The following BABAM2 variants were observed in gnomAD, a reference collection of about 807,000 sequenced individuals.
BABAM2 encodes the protein BRISC and BRCA1-A complex member 2.
BABAM2 carries 31 observed loss-of-function variants against 54.7 expected under a neutral mutation model. The ratio of observed to expected loss-of-function variants is 0.57; its 90% CI spans 0.43 to 0.77. The LOEUF (loss-of-function observed/expected upper bound fraction) is 0.77. Among genes scored for constraint, BABAM2 ranks in the 30% least tolerant of loss-of-function variants. The probability of loss-of-function intolerance (pLI) is 0.00; values close to 1 mark genes in which losing one functional copy is unlikely to be tolerated. For missense variants in BABAM2, 364 were observed against 455.8 expected, an observed-to-expected ratio of 0.80 and a Z score of 1.83; for synonymous variants, 167 against 162.9, an observed-to-expected ratio of 1.03 and a Z score of -0.19.
At chr2:27,911,572 A>G (rs1242374081) in intron 2 of BABAM2, among the ~76,000 whole-genome samples, 2 of 152,148 alleles carry the variant, frequency 1.3e-5, no homozygotes, top group Non-Finnish European at 1.5e-5. Context: ...GCTCCTAAAT[A>G]AAATGAGATA....
intron 10 of BABAM2, among the ~76,000 whole-genome samples, chr2:28,246,449 T>C (rs1459218657): frequency 6.6e-6 from 1 of 152,194 alleles, no homozygotes; most frequent in African/African-American, 2.4e-5. Flanking sequence ...TTCATATCTC[T>C]TGTGACTTGG....
chr2:28,083,475 C>A (rs1455035705), intron 6 of BABAM2, among the ~76,000 whole-genome samples: 1 of 152,102 alleles, frequency 6.6e-6, no homozygotes, highest in Non-Finnish European at 1.5e-5. Context: ...TTATTTTGGG[C>A]CCTTTGTATG....
chr2:28,055,292 C>A (rs912816243), intron 6 of BABAM2, among the ~76,000 whole-genome samples: 6 of 152,016 alleles, frequency 3.9e-5, no homozygotes, highest in Admixed American at 2.6e-4. Context: ...GGGTGAGGAT[C>A]AAAAAACTAC....
At chr2:27,926,364 A>G (rs1255847634) in intron 2 of BABAM2, among the ~76,000 whole-genome samples, 1 of 152,016 alleles carries the variant, frequency 6.6e-6, no homozygotes, top group Non-Finnish European at 1.5e-5. Context: ...TTGCCCAGAT[A>G]TATCAAGATT....
rs115263740 is a variant in BABAM2, at chr2:28,312,993, G to A, written c.1088+14502G>A. Among the ~76,000 whole-genome samples the A allele has an allele frequency of 5.4e-3, 815 of 152,196 alleles. 4 individuals are homozygous for A. The highest frequency in any genetic ancestry group is 0.018 in the African/African-American group (756 of 41,546). Reference sequence around the variant, plus strand: ...GCCCAAGCCACCTCTGACCTCCTACGTTTCCCCTCTTTCCTGCTCCCTTGC... The same window carrying A: ...GCCCAAGCCACCTCTGACCTCCTACATTTCCCCTCTTTCCTGCTCCCTTGC... On this transcript the variant is annotated intron_variant, in intron 11 of 11. Transcript: ENST00000379624.
intron 6 of BABAM2, among the ~76,000 whole-genome samples, chr2:28,109,184 C>T (rs1573595188): frequency 2.0e-5 from 2 of 101,882 alleles, no homozygotes; most frequent in Admixed American, 1.1e-4. Context: ...GACACATACT[C>T]TTTTTTTTTT....
intron 10 of BABAM2, among the ~76,000 whole-genome samples, chr2:28,246,055 G>A (rs543214554): frequency 6.6e-6 from 1 of 152,316 alleles, no homozygotes; most frequent in African/African-American, 2.4e-5. Flanking sequence ...GCAGGCCACA[G>A]TTTTAAGGAG....
rs553770860 is a variant in BABAM2 at position 28,310,705 on chromosome 2, G to A, written c.1088+12214G>A. 6.6e-5 allele frequency among the ~76,000 whole-genome samples: 10 copies of A among 151,760 alleles called. No homozygotes were observed. The East Asian group carries it at 2.0e-3, about 30-fold the overall frequency. ...TCAAGACCAACCTGGGAAACATGGT[G>A]AAACCCTGTCTCTACTAAAAATACA... is the stretch of plus-strand genomic sequence containing the variant. On this transcript the variant is annotated intron_variant, in intron 11 of 11. Coordinates refer to ENST00000379624, the MANE Select transcript of BABAM2 (RefSeq NM_199191.3).
At chr2:27,988,364 G>A (rs1361046043) in intron 4 of BABAM2, among the ~76,000 whole-genome samples, 1 of 152,086 alleles carries the variant, frequency 6.6e-6, no homozygotes, top group African/African-American at 2.4e-5. Flanking sequence ...GAGACATGTT[G>A]AAAATATTTT....
chr2:27,996,699 A>G (rs901954006), intron 4 of BABAM2, among the ~76,000 whole-genome samples: 4 of 152,182 alleles, frequency 2.6e-5, no homozygotes, highest in African/African-American at 9.7e-5. Flanking sequence ...CCTCAGCAGC[A>G]GTTTTGTGAC....
intron 11 of BABAM2, among the ~76,000 whole-genome samples, chr2:28,320,455 G>T (rs577317380): frequency 6.6e-6 from 1 of 152,254 alleles, no homozygotes; most frequent in Admixed American, 6.5e-5. Flanking sequence ...AGGGCAGTGG[G>T]AGCCCAGTGA....
intron 10 of BABAM2, among the ~76,000 whole-genome samples, chr2:28,267,080 T>C (rs1685043953): frequency 6.6e-6 from 1 of 152,088 alleles, no homozygotes; most frequent in Non-Finnish European, 1.5e-5. Context: ...TGCTTGAACC[T>C]GGGAGGCGGA....
intron 11 of BABAM2, among the ~76,000 whole-genome samples, chr2:28,320,759 G>A (rs978133149): frequency 6.6e-6 from 1 of 152,240 alleles, no homozygotes; most frequent in Non-Finnish European, 1.5e-5. Context: ...GGCTGGCAGT[G>A]TGCTGTCATC....
intron 10 of BABAM2, among the ~76,000 whole-genome samples, chr2:28,248,207 C>CTTTTTCTTTCTTTT (rs1553349503): frequency 7.4e-5 from 4 of 54,308 alleles, no homozygotes; most frequent in African/African-American, 2.7e-4. Context: ...TTTTCTTTTT[C>CTTTTTCTTTCTTTT]TTTTTTTTTT....
intron 5 of BABAM2, among the ~76,000 whole-genome samples, chr2:28,043,650 C>T (rs1178851195): frequency 6.6e-6 from 1 of 152,146 alleles, no homozygotes; most frequent in Non-Finnish European, 1.5e-5. Context: ...TTAGGTTTAG[C>T]TGTGTCTTGA....
intron 10 of BABAM2, among the ~76,000 whole-genome samples, chr2:28,267,228 G>A (rs977643345): frequency 6.6e-6 from 1 of 152,076 alleles, no homozygotes; most frequent in Non-Finnish European, 1.5e-5. Flanking sequence ...TCTCCCAGTG[G>A]TATCATCTTG....
chr2:28,182,209 C>T (rs1351982171), intron 7 of BABAM2, among the ~76,000 whole-genome samples: 1 of 152,022 alleles, frequency 6.6e-6, no homozygotes, highest in Non-Finnish European at 1.5e-5. Context: ...GGAGATTGTC[C>T]CCAGGAATCT....
chr2:27,908,078 T>C (rs555246419), intron 2 of BABAM2, among the ~76,000 whole-genome samples: 2 of 152,310 alleles, frequency 1.3e-5, no homozygotes, highest in South Asian at 4.1e-4. Flanking sequence ...TTTAATTTTT[T>C]GAGGAACCGC....
At chr2:28,205,686 A>G (rs773668267) in intron 7 of BABAM2, among the ~76,000 whole-genome samples, 8 of 152,162 alleles carry the variant, frequency 5.3e-5, no homozygotes, top group Non-Finnish European at 1.2e-4. Flanking sequence ...TCTAAGCTCA[A>G]TTAGGTCCCA....
Sources: allele counts gnomAD v4.1 joint callset (sites outside exome capture counted in the v4.1 genomes callset), GRCh38; gene constraint gnomAD v4.1.1; transcripts MANE v1.5; gene names NCBI Gene and HGNC (gene_info 2026-07-23, HGNC 2026-07-21).